The following SLCO1A2 variants were observed in gnomAD, a reference collection of about 807,000 sequenced individuals.
The protein encoded by SLCO1A2 is solute carrier organic anion transporter family member 1A2.
SLCO1A2 carries 67 observed loss-of-function variants against 69.0 expected under a neutral mutation model. That is an observed-to-expected ratio of 0.97 (90% CI 0.80 to 1.19). SLCO1A2 has a LOEUF of 1.19. SLCO1A2 is among the 50% of genes most tolerant of loss of function. The probability of loss-of-function intolerance (pLI) is 0.00; values close to 1 mark genes in which losing one functional copy is unlikely to be tolerated. For synonymous variants in SLCO1A2, 260 were observed against 265.9 expected (o/e 0.98, Z 0.22); for missense variants, 787 against 793.7 (o/e 0.99, Z 0.10).
chr12:21,417,038 C>T (rs908084371), intron 1 of SLCO1A2, among the ~76,000 whole-genome samples: 2 of 151,984 alleles, frequency 1.3e-5, no homozygotes, highest in Non-Finnish European at 2.9e-5. Context: ...TGATCTAGAA[C>T]GTAAGCTCCA....
chr12:21,397,700 G>C (rs1236264184), upstream of SLCO1A2, among the ~76,000 whole-genome samples: 6 of 146,992 alleles, frequency 4.1e-5, no homozygotes, highest in South Asian at 2.2e-4. Flanking sequence ...AATCAAACTA[G>C]AACTCAGGAT....
Position 21,293,818 on chromosome 12 carries a change from C to T in SLCO1A2, c.1437+127G>A, listed in dbSNP as rs1029862748. The T allele has an allele frequency of 2.3e-4, 156 of 681,674 alleles. No individual in the cohort carries two copies. In the African/African-American group the frequency reaches 2.8e-3, roughly 12 times the overall value. 42.2% of individuals were successfully genotyped at this position (681,674 alleles called of 1,614,324 possible). A position where few individuals can be genotyped will look rare whatever the true frequency, so the allele number is the denominator to read the frequency against. On this transcript the variant is annotated intron_variant, in intron 11 of 14. Coordinates refer to ENST00000683939, the MANE Select transcript of SLCO1A2 (RefSeq NM_001386879.1). ...AAGTGACCATCATAGAGTTATTTTTCCACATACAAAAAAAGTAATATGGTT... is the reference window on the plus strand; with the variant it reads ...AAGTGACCATCATAGAGTTATTTTTTCACATACAAAAAAAGTAATATGGTT...
chr12:21,374,257 T>TAA (rs1940022979), intron 2 of SLCO1A2: 1 of 152,532 alleles, frequency 6.6e-6, no homozygotes, highest in South Asian at 2.1e-4. Context: ...GTAATTTATT[T>TAA]AAAGGGTTAT....
At chr12:21,274,421 G>T in intron 14 of SLCO1A2, 48 bp downstream of exon 14, 2 of 1,234,710 alleles carry the variant, frequency 1.6e-6, no homozygotes, top group Non-Finnish European at 2.4e-6. Flanking sequence ...GCTGCGTTAT[G>T]CACAGTCTAT....
chr12:21,316,056 A>G (rs1019941284), intron 3 of SLCO1A2, among the ~76,000 whole-genome samples: 2 of 152,218 alleles, frequency 1.3e-5, no homozygotes, highest in Admixed American at 6.5e-5. Context: ...CAAGCTACCT[A>G]TCACCACCCA....
intron 4 of SLCO1A2, among the ~76,000 whole-genome samples, chr12:21,313,995 CAG>C (rs1304069539): frequency 7.4e-6 from 1 of 134,416 alleles, no homozygotes; most frequent in East Asian, 2.1e-4. Context: ...AAAAAAAAAA[CAG>C]AAAAAAAAGA....
chr12:21,376,561 T>C (rs1051067976), intron 1 of SLCO1A2, among the ~76,000 whole-genome samples: 4 of 152,160 alleles, frequency 2.6e-5, no homozygotes, highest in Non-Finnish European at 4.4e-5. Context: ...AGATAATTTG[T>C]TCAAACATTT....
At chr12:21,304,162 T>C (rs1177248797) in intron 6 of SLCO1A2, among the ~76,000 whole-genome samples, 2 of 152,184 alleles carry the variant, frequency 1.3e-5, no homozygotes, top group African/African-American at 4.8e-5. Flanking sequence ...GGATGTAGTG[T>C]AGTGCCAAGC....
chr12:21,285,840 G>A (rs928566055), intron 12 of SLCO1A2, among the ~76,000 whole-genome samples: 20 of 152,106 alleles, frequency 1.3e-4, no homozygotes, highest in African/African-American at 4.8e-4. Context: ...AATAAATTAG[G>A]TATTGATGGG....
At chr12:21,347,702 A>AG (rs1953320543) in intron 2 of SLCO1A2, among the ~76,000 whole-genome samples, 1 of 148,202 alleles carries the variant, frequency 6.7e-6, no homozygotes, top group African/African-American at 2.6e-5. Flanking sequence ...GGAAGGAAGA[A>AG]GGAAAAAAGG....
intron 12 of SLCO1A2, among the ~76,000 whole-genome samples, chr12:21,278,047 T>C (rs1944185683): frequency 6.6e-6 from 1 of 151,822 alleles, no homozygotes. Context: ...CGTAGCAGCA[T>C]TCACACAGGC....
intron 12 of SLCO1A2, among the ~76,000 whole-genome samples, chr12:21,288,881 T>A (rs1946388080): frequency 6.6e-6 from 1 of 151,602 alleles, no homozygotes; most frequent in Non-Finnish European, 1.5e-5. Flanking sequence ...CTGATTTATT[T>A]TATGTATAAT....
chr12:21,304,576 G>T lies in SLCO1A2; in HGVS notation c.443-3C>A. The stretch of plus-strand genomic sequence containing the variant: ...TGATTTAACTTCCTTTGTACACTCT[G>T]CATTAAAAAAAAAAGACATGACATT... On this transcript the variant is annotated splice_region_variant and splice_polypyrimidine_tract_variant and intron_variant, in intron 5 of 14. Transcript: ENST00000683939. The T allele has an allele frequency of 1.3e-6, 2 of 1,567,140 alleles. No individual in the cohort carries two copies. The highest frequency in any genetic ancestry group is 1.2e-5 in the South Asian group (1 of 85,556).
intron 2 of SLCO1A2, among the ~76,000 whole-genome samples, 181 bp downstream of exon 2, chr12:21,334,407 C>G (rs1029032358): frequency 2.0e-5 from 3 of 152,040 alleles, no homozygotes; most frequent in African/African-American, 7.2e-5. Flanking sequence ...AATCAATAAT[C>G]CTGTGTAGAC....
At chr12:21,376,249 C>A in intron 1 of SLCO1A2, 1 of 219,780 alleles carries the variant, frequency 4.5e-6, no homozygotes, top group Non-Finnish European at 9.9e-6. Context: ...ATATGCTAAA[C>A]ATATCTTGGA....
chr12:21,366,675 G>A (rs1939414212), intron 2 of SLCO1A2, among the ~76,000 whole-genome samples: 2 of 152,002 alleles, frequency 1.3e-5, no homozygotes, highest in African/African-American at 2.4e-5. Flanking sequence ...GCTGTAAATA[G>A]CATCCTCAGA....
chr12:21,392,115 C>T (rs566910848), intron 1 of SLCO1A2, among the ~76,000 whole-genome samples: 4 of 152,100 alleles, frequency 2.6e-5, no homozygotes, highest in Non-Finnish European at 5.9e-5. Flanking sequence ...GAGATTCCAC[C>T]CCTCATTCAT....
chr12:21,359,944 A>G (rs1317673750), intron 2 of SLCO1A2, among the ~76,000 whole-genome samples: 1 of 152,214 alleles, frequency 6.6e-6, no homozygotes, highest in Non-Finnish European at 1.5e-5. Flanking sequence ...ACACAATGAA[A>G]CACTACTCCA....
In SLCO1A2 at chr12:21,363,208, G is replaced by A. The variant is rs536831943; in HGVS notation, c.-63+11191C>T. Reference sequence around the variant, plus strand: ...ATAACAAACTGTCTCTCAGACCACAGTGCAATCAAACTAGAACTCAGGATT... The same window carrying A: ...ATAACAAACTGTCTCTCAGACCACAATGCAATCAAACTAGAACTCAGGATT... On this transcript the variant is annotated intron_variant, in intron 2 of 15. Transcript: ENST00000307378. 2.7e-4 allele frequency among the ~76,000 whole-genome samples: 41 copies of A among 152,268 alleles called. No homozygotes were observed. In the East Asian group the frequency reaches 7.3e-3, roughly 27 times the overall value.
Sources: allele counts gnomAD v4.1 joint callset (sites outside exome capture counted in the v4.1 genomes callset), GRCh38; gene constraint gnomAD v4.1.1; transcripts MANE v1.5; gene names NCBI Gene and HGNC (gene_info 2026-07-23, HGNC 2026-07-21).